The following DPP6 variants were observed in gnomAD, a reference collection of about 807,000 sequenced individuals.
DPP6 encodes the protein A-type potassium channel modulatory protein DPP6.
A neutral mutation model predicts 122.6 loss-of-function variants in DPP6; 69 were observed. The ratio of observed to expected loss-of-function variants is 0.56; its 90% CI spans 0.46 to 0.69. The LOEUF (loss-of-function observed/expected upper bound fraction) is 0.69, where lower values mean the gene tolerates loss of function less well. Among genes scored for constraint, DPP6 ranks in the 30% least tolerant of loss-of-function variants. DPP6 has a pLI of 0.00. For synonymous variants in DPP6, 418 were observed against 433.1 expected (o/e 0.97, Z 0.43); for missense variants, 928 against 1,116.9 (o/e 0.83, Z 2.41).
chr7:154,230,407 C>G (rs1253901292), intron 1 of DPP6, among the ~76,000 whole-genome samples: 4 of 152,166 alleles, frequency 2.6e-5, no homozygotes, highest in African/African-American at 9.7e-5. Context: ...CTTCTTTCCC[C>G]CTGTTGCTGT....
At chr7:154,118,683 C>T (rs1034080342) in intron 1 of DPP6, among the ~76,000 whole-genome samples, 3 of 112,098 alleles carry the variant, frequency 2.7e-5, no homozygotes, top group African/African-American at 9.3e-5. Flanking sequence ...CAAACGTGTA[C>T]ATCACGTATG....
At chr7:154,458,471 G>A (rs748372961) in intron 2 of DPP6, among the ~76,000 whole-genome samples, 6 of 152,134 alleles carry the variant, frequency 3.9e-5, no homozygotes, top group Non-Finnish European at 5.9e-5. Flanking sequence ...ATAGCAGTAT[G>A]AAAATGGACT....
intron 5 of DPP6, among the ~76,000 whole-genome samples, chr7:154,593,521 T>A (rs2130740776): frequency 6.6e-6 from 1 of 152,330 alleles, no homozygotes; most frequent in Middle Eastern, 3.4e-3. Flanking sequence ...TCTGGCAAGC[T>A]CTTTATTCAG....
chr7:153,946,999 G>A (rs944915438), intron 1 of DPP6, among the ~76,000 whole-genome samples: 3 of 152,102 alleles, frequency 2.0e-5, no homozygotes, highest in African/African-American at 4.8e-5. Context: ...TTTCAGTCCC[G>A]TCTTTGCTGA....
intron 1 of DPP6, among the ~76,000 whole-genome samples, chr7:154,438,294 C>T (rs569777222): frequency 2.6e-5 from 4 of 151,410 alleles, no homozygotes; most frequent in Non-Finnish European, 4.4e-5. Flanking sequence ...GGTGAAACCC[C>T]GTCTCGACTA....
At chr7:154,366,950 A>T (rs1812241279) in intron 1 of DPP6, among the ~76,000 whole-genome samples, 1 of 152,160 alleles carries the variant, frequency 6.6e-6, no homozygotes, top group Non-Finnish European at 1.5e-5. Flanking sequence ...GCACGCATGG[A>T]AAACGTTCTG....
chr7:154,394,627 C>T (rs1167203598), intron 1 of DPP6, among the ~76,000 whole-genome samples: 2 of 152,122 alleles, frequency 1.3e-5, no homozygotes, highest in Middle Eastern at 3.4e-3. Context: ...GTTGCCTATG[C>T]CTTTGGTGAC....
intron 1 of DPP6, among the ~76,000 whole-genome samples, chr7:154,316,916 G>A (rs1263333574): frequency 1.3e-5 from 2 of 152,152 alleles, no homozygotes; most frequent in East Asian, 3.9e-4. Flanking sequence ...CACTTGCTAG[G>A]TAGGCAGCGT....
chr7:154,420,552 T>C (rs1465282071), intron 1 of DPP6, among the ~76,000 whole-genome samples: 2 of 151,948 alleles, frequency 1.3e-5, no homozygotes, highest in East Asian at 3.9e-4. Flanking sequence ...ATTTCAGCGA[T>C]GGGGGTGGGT....
At position 154,608,339 on chromosome 7, in the gene DPP6, A is replaced by ATT. The variant is rs760570719; in HGVS notation, c.628-29481_628-29480insTT. 1.8e-3 allele frequency among the ~76,000 whole-genome samples: 209 copies of ATT among 118,776 alleles called. 8 individuals carry two copies. The highest frequency in any genetic ancestry group is 5.9e-3 in the East Asian group (20 of 3,406). The allele number at this position is 118,776 out of a possible 152,430, so 77.9% of individuals were successfully genotyped here. On this transcript the variant is annotated intron_variant, in intron 5 of 25. Transcript: ENST00000377770. Reference sequence around the variant, plus strand: ...AGTGATCATATATATATATATATATATATTTTGAGATGGAATCTCGCTCTG... The same window carrying ATT: ...AGTGATCATATATATATATATATATATTTATTTTGAGATGGAATCTCGCTCTG...
In DPP6 at chr7:154,546,453, C is replaced by T. The variant is rs966148317; in HGVS notation, c.552+5827C>T. 2.1e-4 allele frequency among the ~76,000 whole-genome samples: 31 copies of T among 150,008 alleles called. 1 individual carries two copies. Among genetic ancestry groups the T allele is most frequent in the Admixed American group, 1.9e-3 (29 of 15,068 alleles). ...GTATGTAAGAGCTGTAGACAGTTCC[C>T]GGAAATTCTTGAAGGAGAAAATAAG... On this transcript the variant is annotated intron_variant, in intron 4 of 25. Transcript: ENST00000377770.
At chr7:154,297,926 G>A (rs1805649012) in intron 1 of DPP6, among the ~76,000 whole-genome samples, 1 of 152,206 alleles carries the variant, frequency 6.6e-6, no homozygotes, top group Non-Finnish European at 1.5e-5. Context: ...AGTTTTAGGT[G>A]TCAGCTTGGC....
chr7:154,472,830 A>G (rs978972091), intron 2 of DPP6, among the ~76,000 whole-genome samples: 1 of 152,210 alleles, frequency 6.6e-6, no homozygotes, highest in Non-Finnish European at 1.5e-5. Flanking sequence ...TTTTGATAGC[A>G]TATATCATAA....
chr7:154,143,244 G>T (rs1053161726), intron 1 of DPP6, among the ~76,000 whole-genome samples: 11 of 152,196 alleles, frequency 7.2e-5, no homozygotes, highest in African/African-American at 2.7e-4. Context: ...TTTGCGGATT[G>T]CCAGATAAGT....
At chr7:154,202,717 C>G (rs1289245600) in intron 1 of DPP6, among the ~76,000 whole-genome samples, 3 of 152,198 alleles carry the variant, frequency 2.0e-5, no homozygotes, top group Admixed American at 6.5e-5. Flanking sequence ...TTCAGGGCCC[C>G]TCCATTCCCC....
chr7:154,636,577 G>A (rs78440532), intron 5 of DPP6, among the ~76,000 whole-genome samples: 10,549 of 152,262 alleles, frequency 0.069, 597 homozygotes, highest in East Asian at 0.33. Flanking sequence ...AAGGGGCCCC[G>A]GGCCGCATAT....
intron 1 of DPP6, among the ~76,000 whole-genome samples, chr7:154,444,301 CAA>C (rs768049544): frequency 8.8e-5 from 11 of 124,572 alleles, no homozygotes; most frequent in Non-Finnish European, 8.7e-5. Context: ...ACTAAATAGA[CAA>C]AAAAAAAAAA....
chr7:153,879,249 G>A, the DPP6 span, among the ~76,000 whole-genome samples: 1 of 152,204 alleles, frequency 6.6e-6, no homozygotes, highest in Non-Finnish European at 1.5e-5. Flanking sequence ...CGTTACCTGG[G>A]TCTGAGTGTT....
At chr7:154,056,589 C>T (rs1006954972) in intron 1 of DPP6, among the ~76,000 whole-genome samples, 1 of 152,136 alleles carries the variant, frequency 6.6e-6, no homozygotes, top group Non-Finnish European at 1.5e-5. Flanking sequence ...TGACACGTGG[C>T]TTCTTAGCAA....
Sources: allele counts gnomAD v4.1 joint callset (sites outside exome capture counted in the v4.1 genomes callset), GRCh38; gene constraint gnomAD v4.1.1; transcripts MANE v1.5; gene names NCBI Gene and HGNC (gene_info 2026-07-23, HGNC 2026-07-21).